Variants in KPNA3 observed in about 807,000 individuals in gnomAD.
KPNA3 encodes the protein karyopherin subunit alpha 3.
In KPNA3, 13 loss-of-function variants were observed where a neutral mutation model predicts 73.8. The ratio of observed to expected loss-of-function variants is 0.18; its 90% CI spans 0.11 to 0.28. The LOEUF is 0.28. Among genes scored for constraint, KPNA3 ranks in the 10% least tolerant of loss-of-function variants. The pLI, the probability that KPNA3 is intolerant of heterozygous loss-of-function variation, is 1.00. For synonymous variants in KPNA3, 186 were observed against 206.9 expected, an observed-to-expected ratio of 0.90 and a Z score of 0.87; for missense variants, 360 against 618.1, an observed-to-expected ratio of 0.58 and a Z score of 4.43.
At chr13:49,719,310 G>GAT (rs1161851478) in intron 10 of KPNA3, among the ~76,000 whole-genome samples, 1 of 152,100 alleles carries the variant, frequency 6.6e-6, no homozygotes. Flanking sequence ...GACCTGTTAT[G>GAT]AGAAGACTTT....
intron 1 of KPNA3, among the ~76,000 whole-genome samples, chr13:49,792,098 C>T (rs1955038596): frequency 1.3e-5 from 2 of 152,136 alleles, no homozygotes; most frequent in Admixed American, 1.3e-4. Context: ...GGTCGGAGGG[C>T]CCGGGCGGCA....
At chr13:49,734,992 T>C (rs1954509046) in intron 2 of KPNA3, among the ~76,000 whole-genome samples, 1 of 149,104 alleles carries the variant, frequency 6.7e-6, no homozygotes, top group African/African-American at 2.5e-5. Flanking sequence ...ATTAGGCATA[T>C]ACTAGTTTAG....
intron 1 of KPNA3, among the ~76,000 whole-genome samples, chr13:49,773,199 C>T (rs1260477349): frequency 2.0e-5 from 3 of 152,048 alleles, no homozygotes; most frequent in Non-Finnish European, 4.4e-5. Context: ...TAATATTTGC[C>T]TAAGGGTTAG....
At chr13:49,718,177 T>C (rs1399219918) in intron 10 of KPNA3, among the ~76,000 whole-genome samples, 2 of 152,128 alleles carry the variant, frequency 1.3e-5, no homozygotes, top group Non-Finnish European at 2.9e-5. Context: ...ATAAAACTTA[T>C]CTTACAAGGA....
chr13:49,767,506 G>A (rs573482757), intron 1 of KPNA3, among the ~76,000 whole-genome samples: 2 of 152,160 alleles, frequency 1.3e-5, no homozygotes, highest in East Asian at 3.9e-4. Flanking sequence ...TATCTTGATT[G>A]TGGTGATGGT....
At chr13:49,763,055 T>C (rs1349649096) in intron 1 of KPNA3, among the ~76,000 whole-genome samples, 1 of 152,042 alleles carries the variant, frequency 6.6e-6, no homozygotes, top group Non-Finnish European at 1.5e-5. Context: ...TCCTGACCCC[T>C]GATGCCAGGT....
intron 15 of KPNA3, 86 bp downstream of exon 15, chr13:49,705,535 T>C (rs1354742383): frequency 7.5e-7 from 1 of 1,324,596 alleles, no homozygotes; most frequent in Non-Finnish European, 1.1e-6. Flanking sequence ...ATCCTAGTAA[T>C]TTTCTGTCTA....
intron 1 of KPNA3, among the ~76,000 whole-genome samples, chr13:49,771,119 CAAAAAA>C (rs34079476): frequency 2.6e-4 from 31 of 120,770 alleles, no homozygotes; most frequent in South Asian, 2.7e-4. Context: ...GTTGATATTT[CAAAAAA>C]AAAAAAAAAA....
At chr13:49,792,342 A>G (rs1346785818) in intron 1 of KPNA3, 96 bp downstream of exon 1, 1 of 745,420 alleles carries the variant, frequency 1.3e-6, no homozygotes, top group South Asian at 4.6e-5. Context: ...GCCGACCACA[A>G]GCCGACGAGA....
intron 2 of KPNA3, among the ~76,000 whole-genome samples, chr13:49,733,373 C>G (rs1181469367): frequency 6.8e-6 from 1 of 146,714 alleles, no homozygotes; most frequent in Admixed American, 7.0e-5. Context: ...CTTCCAACCT[C>G]TGCTTCCTGG....
intron 1 of KPNA3, among the ~76,000 whole-genome samples, chr13:49,760,843 A>G (rs573982642): frequency 1.3e-5 from 2 of 152,242 alleles, no homozygotes; most frequent in African/African-American, 4.8e-5. Context: ...GCAGCATTCA[A>G]TAAGCTGGGG....
intron 2 of KPNA3, among the ~76,000 whole-genome samples, chr13:49,736,527 T>C (rs1954522582): frequency 6.6e-6 from 1 of 152,220 alleles, no homozygotes; most frequent in South Asian, 2.1e-4. Flanking sequence ...GAGATAATTG[T>C]ATATTCACAT....
chr13:49,768,572 T>A (rs1190766698), intron 1 of KPNA3, among the ~76,000 whole-genome samples: 1 of 14,628 alleles, frequency 6.8e-5, no homozygotes, highest in Admixed American at 8.7e-4. Flanking sequence ...AATCAATTTT[T>A]TTTTTTTTTT....
intron 7 of KPNA3, among the ~76,000 whole-genome samples, chr13:49,723,967 A>ATGCC (rs1954385074): frequency 6.6e-6 from 1 of 152,106 alleles, no homozygotes; most frequent in Non-Finnish European, 1.5e-5. Context: ...CCCAAGCGGC[A>ATGCC]GGCAACCATT....
intron 1 of KPNA3, among the ~76,000 whole-genome samples, chr13:49,759,592 C>A (rs1189118682): frequency 6.6e-6 from 1 of 152,184 alleles, no homozygotes; most frequent in Non-Finnish European, 1.5e-5. Flanking sequence ...GAGATGGTGA[C>A]AGATCATCAG....
intron 1 of KPNA3, among the ~76,000 whole-genome samples, chr13:49,760,830 T>C (rs1954752690): frequency 6.6e-6 from 1 of 152,090 alleles, no homozygotes; most frequent in Non-Finnish European, 1.5e-5. Context: ...TCAATGTGGG[T>C]GGGCAGCATT....
intron 1 of KPNA3, among the ~76,000 whole-genome samples, chr13:49,783,470 C>T (rs1019429591): frequency 3.9e-5 from 6 of 152,070 alleles, no homozygotes; most frequent in Non-Finnish European, 5.9e-5. Context: ...GATGCTCCCT[C>T]CCCCGAAGAT....
chr13:49,791,693 A>C (rs1265673751), intron 1 of KPNA3, among the ~76,000 whole-genome samples: 3 of 149,594 alleles, frequency 2.0e-5, no homozygotes, highest in Non-Finnish European at 4.4e-5. Flanking sequence ...CTATGAGCGG[A>C]GGTCGGAGCA....
chr13:49,718,164 A>G (rs926132215), intron 10 of KPNA3, among the ~76,000 whole-genome samples: 10 of 152,198 alleles, frequency 6.6e-5, no homozygotes, highest in African/African-American at 2.4e-4. Flanking sequence ...GTAAAATAGA[A>G]GAATAAAACT....
Sources: gnomAD v4.1 joint callset for allele counts (sites outside exome capture counted in the v4.1 genomes callset) on GRCh38, gnomAD v4.1.1 for gene constraint, MANE v1.5 for transcripts, NCBI Gene and HGNC (gene_info 2026-07-23, HGNC 2026-07-21) for gene names.